The following RAF1 variants were observed in gnomAD, a reference collection of about 807,000 sequenced individuals.
RAF1 encodes the protein Raf-1 proto-oncogene, serine/threonine kinase, also known as RAF proto-oncogene serine/threonine-protein kinase.
Under a neutral mutation model 81.1 loss-of-function variants are expected in RAF1, and 27 were observed. The ratio of observed to expected loss-of-function variants is 0.33; its 90% confidence interval spans 0.25 to 0.46. The LOEUF (loss-of-function observed/expected upper bound fraction) is 0.46. Among genes scored for constraint, RAF1 ranks in the 20% least tolerant of loss-of-function variants. The probability of loss-of-function intolerance (pLI) is 1.00; values close to 1 mark genes in which losing one functional copy is unlikely to be tolerated. For missense variants in RAF1, 598 were observed against 826.0 expected (o/e 0.72, Z 3.38); for synonymous variants, 298 against 294.0 (o/e 1.01, Z -0.14).
At chr3:12,610,742 A>C (rs559735406) in intron 3 of RAF1, among the ~76,000 whole-genome samples, 1 of 152,250 alleles carries the variant, frequency 6.6e-6, no homozygotes, top group South Asian at 2.1e-4. Flanking sequence ...GATGAATAAC[A>C]TAAGTGACGC....
Position 12,641,985 on chromosome 3 carries a change from A to G in RAF1, c.-27+21828T>C, listed in dbSNP as rs2060201620. 2.6e-5 allele frequency among the ~76,000 whole-genome samples: 4 copies of G among 151,932 alleles called. No individual in the cohort carries two copies. In the South Asian group the frequency reaches 8.3e-4, roughly 32 times the overall value. On this transcript the variant is annotated intron_variant, in intron 1 of 17. Coordinates refer to ENST00000442415, the MANE Select transcript of RAF1 (RefSeq NM_001354689.3). The stretch of plus-strand genomic sequence containing the variant: ...ACATGGTGAAACCCTGTCTCTACTA[A>G]AAACACAAAAAAATTAGCTGGGCAT...
At chr3:12,598,953 CT>C (rs1266349497) in intron 11 of RAF1, among the ~76,000 whole-genome samples, 1 of 152,064 alleles carries the variant, frequency 6.6e-6, no homozygotes, top group Admixed American at 6.6e-5. Flanking sequence ...GAAGAGATGA[CT>C]TTTTGGGAAC....
rs894363344 is a variant in RAF1, at chr3:12,664,050, G to C, written c.-264C>G. Reference sequence around the variant, plus strand: ...GGCCCAAAAAAGGCAGCAGAAAGCCGTTCCCGCCTCACAATCGTTTTCCTC... The same window carrying C: ...GGCCCAAAAAAGGCAGCAGAAAGCCCTTCCCGCCTCACAATCGTTTTCCTC... On this transcript the variant is annotated 5_prime_UTR_variant, in exon 1 of 18. Transcript: ENST00000442415. 6.0e-5 allele frequency: 24 copies of C among 398,334 alleles called. No individual in the cohort carries two copies. Among genetic ancestry groups the C allele is most frequent in the Non-Finnish European group, 1.1e-4 (24 of 225,960 alleles). The allele number at this position is 398,334 out of a possible 1,614,324, so 24.7% of individuals were successfully genotyped here.
Position 12,634,147 on chromosome 3 carries a change from T to C in RAF1, c.-26-15400A>G, listed in dbSNP as rs1461359623. Among the ~76,000 whole-genome samples the C allele has an allele frequency of 1.3e-4, 9 of 69,414 alleles. No homozygotes were observed. The East Asian group carries it at 4.2e-3, about 32-fold the overall frequency. The allele number at this position is 69,414 out of a possible 152,430, so 45.5% of individuals were successfully genotyped here. On this transcript the variant is annotated intron_variant, in intron 1 of 17. Transcript: ENST00000442415. The stretch of plus-strand genomic sequence containing the variant: ...AAAAATTTGAACCTCCATGATTCCT[T>C]TCTCTCTTTTTTTTTTTTTGAGATG...
intron 2 of RAF1, among the ~76,000 whole-genome samples, chr3:12,615,198 T>C (rs1381555566): frequency 6.6e-6 from 1 of 152,176 alleles, no homozygotes; most frequent in Non-Finnish European, 1.5e-5. Context: ...ATAGTAGTGG[T>C]CCTCGGCTCC....
At chr3:12,587,772 C>A in intron 13 of RAF1, 135 bp from the exon 13 acceptor site, 1 of 699,602 alleles carries the variant, frequency 1.4e-6, no homozygotes, top group Non-Finnish European at 2.5e-6. Context: ...AGACCCTGTG[C>A]TGTTCAGCCT....
chr3:12,645,656 G>C (rs1041847743), intron 1 of RAF1, among the ~76,000 whole-genome samples: 2 of 152,148 alleles, frequency 1.3e-5, no homozygotes, highest in Non-Finnish European at 2.9e-5. Context: ...ACTGAACTCA[G>C]AAAAACCCAG....
chr3:12,633,410 C>T (rs187152595), intron 1 of RAF1, among the ~76,000 whole-genome samples: 2 of 149,834 alleles, frequency 1.3e-5, no homozygotes, highest in African/African-American at 2.5e-5. Flanking sequence ...CTCAGGAGGT[C>T]GAGGCTGCCA....
chr3:12,660,975 T>C (rs2060858679), intron 1 of RAF1, among the ~76,000 whole-genome samples: 1 of 152,134 alleles, frequency 6.6e-6, no homozygotes, highest in Non-Finnish European at 1.5e-5. Context: ...AAGATAAGCC[T>C]TTAGTACAGA....
At chr3:12,638,952 G>A (rs897590404) in intron 1 of RAF1, among the ~76,000 whole-genome samples, 5 of 151,892 alleles carry the variant, frequency 3.3e-5, no homozygotes, top group South Asian at 2.1e-4. Flanking sequence ...GATGGATTAC[G>A]TTTATTGATT....
intron 11 of RAF1, among the ~76,000 whole-genome samples, chr3:12,597,758 T>TA (rs936102271): frequency 6.6e-6 from 1 of 151,660 alleles, no homozygotes; most frequent in African/African-American, 2.4e-5. Flanking sequence ...CTACAAAAAA[T>TA]ACAAAAATTA....
intron 3 of RAF1, among the ~76,000 whole-genome samples, chr3:12,609,918 C>T (rs929879165): frequency 1.1e-4 from 17 of 152,272 alleles, no homozygotes; most frequent in Admixed American, 7.2e-4. Context: ...TGCTGCAGTA[C>T]AAAATTTAGT....
rs567933907 is a variant in RAF1, at chr3:12,613,380, C to T, written c.208-1318G>A. ...TTCCTCCTCTGATTGAAAGTGCTAA[C>T]AGCTGACAGCAGCCAGCCAACCGCT... On this transcript the variant is annotated intron_variant, in intron 2 of 17. Transcript: ENST00000442415. Among the ~76,000 whole-genome samples the T allele has an allele frequency of 2.0e-5, 3 of 152,232 alleles. No individual in the cohort carries two copies. The East Asian group carries it at 5.8e-4, about 29-fold the overall frequency.
chr3:12,604,206 T>G lies in RAF1; in HGVS notation c.764A>C (p.Gln255Pro). 2 of 1,614,182 alleles carry G rather than the reference T, an allele frequency of 1.2e-6. No individual in the cohort carries two copies. The highest frequency in any genetic ancestry group is 1.7e-6 in the Non-Finnish European group (2 of 1,180,018). ...GACATTAGGTGTGGATGTCGACCTC[T>G]GCCTCTGGGAGAGGGAACCTTCAGA... Residue 255 changes from glutamine to proline, a missense_variant, in exon 7 of 18, where the codon CAG becomes CCG. By Grantham distance (76) the Gln-to-Pro change is moderately conservative (BLOSUM62 -1). Transcript: ENST00000442415.
intron 11 of RAF1, among the ~76,000 whole-genome samples, chr3:12,594,280 C>T (rs2058619503): frequency 6.6e-6 from 1 of 152,138 alleles, no homozygotes; most frequent in South Asian, 2.1e-4. Flanking sequence ...AAATGGCCAA[C>T]GCTATGACCC....
At chr3:12,585,086 C>T (rs1408497157) in intron 16 of RAF1, 36 bp downstream of exon 15, 3 of 1,613,948 alleles carry the variant, frequency 1.9e-6, no homozygotes, top group Non-Finnish European at 2.5e-6. Context: ...CAGGGGCTCC[C>T]ACGAGTTGGG....
At chr3:12,596,863 C>T (rs1249642487) in intron 11 of RAF1, among the ~76,000 whole-genome samples, 3 of 152,086 alleles carry the variant, frequency 2.0e-5, no homozygotes, top group African/African-American at 7.2e-5. Flanking sequence ...CTCCTCACTC[C>T]TCTGACTTTT....
chr3:12,607,221 G>A (rs557818032), intron 5 of RAF1, among the ~76,000 whole-genome samples: 2 of 152,268 alleles, frequency 1.3e-5, no homozygotes, highest in East Asian at 3.9e-4. Context: ...TAATTTCACA[G>A]GTTATGTCAG....
At chr3:12,590,614 C>A (rs188187652) in intron 13 of RAF1, 184 bp downstream of exon 12, 1 of 694,890 alleles carries the variant, frequency 1.4e-6, no homozygotes, top group Non-Finnish European at 2.5e-6. Flanking sequence ...GTGTGAGCCA[C>A]CCCACCCAGC....
Sources: allele counts gnomAD v4.1 joint callset (sites outside exome capture counted in the v4.1 genomes callset), GRCh38; gene constraint gnomAD v4.1.1; transcripts MANE v1.5; gene names NCBI Gene and HGNC (gene_info 2026-07-23, HGNC 2026-07-21).